The following UGGT1 variants were observed in gnomAD, a reference collection of about 807,000 sequenced individuals.
UGGT1 encodes UDP-glucose glycoprotein glucosyltransferase 1, also known as UDP-glucose:glycoprotein glucosyltransferase 1.
In UGGT1, 107 loss-of-function variants were observed where a neutral mutation model predicts 203.9. That is an observed-to-expected ratio of 0.52 (90% confidence interval 0.45 to 0.62). The LOEUF (loss-of-function observed/expected upper bound fraction) is 0.62. Ranked by LOEUF, UGGT1 falls within the 20% of genes least tolerant of loss-of-function variation. The probability of loss-of-function intolerance (pLI) is 0.00; values close to 1 mark genes in which losing one functional copy is unlikely to be tolerated. For synonymous variants in UGGT1, 628 were observed against 653.5 expected (o/e 0.96, Z 0.59); for missense variants, 1,673 against 1,867.2 (o/e 0.90, Z 1.92).
At chr2:128,183,311 C>T (rs1309297353) in intron 37 of UGGT1, among the ~76,000 whole-genome samples, 1 of 152,194 alleles carries the variant, frequency 6.6e-6, no homozygotes, top group African/African-American at 2.4e-5. Context: ...AGGACTGTAA[C>T]ACTCTGGGGT....
intron 18 of UGGT1, among the ~76,000 whole-genome samples, chr2:128,148,885 A>C (rs972028363): frequency 1.3e-5 from 2 of 152,172 alleles, no homozygotes; most frequent in South Asian, 2.1e-4. Context: ...GGCTGTTGGC[A>C]CTGAGTGAGG....
At chr2:128,186,508 G>T (rs1691988836) in intron 38 of UGGT1, among the ~76,000 whole-genome samples, 175 bp from the exon 39 acceptor site, 2 of 152,188 alleles carry the variant, frequency 1.3e-5, no homozygotes, top group Non-Finnish European at 1.5e-5. Flanking sequence ...TCAGGAGGCT[G>T]AGGCAGGAGA....
chr2:128,131,748 C>G (rs1340593611), intron 13 of UGGT1, among the ~76,000 whole-genome samples: 1 of 152,140 alleles, frequency 6.6e-6, no homozygotes, highest in African/African-American at 2.4e-5. Flanking sequence ...CTGCCTCAGC[C>G]TCCCGAGTAG....
intron 28 of UGGT1, among the ~76,000 whole-genome samples, chr2:128,172,067 G>A (rs777583786): frequency 6.6e-6 from 1 of 152,112 alleles, no homozygotes; most frequent in Admixed American, 6.5e-5. Context: ...CATTATTCTC[G>A]TATAGGGGAA....
rs557524326 is a variant in UGGT1, at chr2:128,120,333, A to T, written c.873-23A>T. ...CGGGAAAGAAAAAATAATGAAAAGGACTGATTTTTATGTTTCTTTTAGAGA... is the reference window on the plus strand; with the variant it reads ...CGGGAAAGAAAAAATAATGAAAAGGTCTGATTTTTATGTTTCTTTTAGAGA... On this transcript the variant is annotated intron_variant, in intron 8 of 40. Transcript: ENST00000259253. The T allele has an allele frequency of 3.3e-5, 53 of 1,595,592 alleles. No individual in the cohort carries two copies. The South Asian group carries it at 5.6e-4, about 17-fold the overall frequency.
At chr2:128,187,410 T>A in intron 39 of UGGT1, 39 bp from the exon 40 acceptor site, 1 of 1,592,946 alleles carries the variant, frequency 6.3e-7, no homozygotes, top group Non-Finnish European at 8.6e-7. Flanking sequence ...ATGTGGCCTT[T>A]CTTCAACTCA....
chr2:128,128,315 C>CTT (rs11453340), intron 12 of UGGT1, among the ~76,000 whole-genome samples: 19,786 of 141,056 alleles, frequency 0.14, 1,849 homozygotes, highest in Non-Finnish European at 0.2. Context: ...TCCTTTCTAT[C>CTT]TTTTTTTTTT....
At chr2:128,112,763 T>C (rs1687929495) in intron 5 of UGGT1, among the ~76,000 whole-genome samples, 1 of 151,532 alleles carries the variant, frequency 6.6e-6, no homozygotes. Flanking sequence ...TCGTTATTTA[T>C]TGTAGAGTCG....
chr2:128,096,924 C>T (rs1434158907), intron 1 of UGGT1, among the ~76,000 whole-genome samples: 1 of 152,188 alleles, frequency 6.6e-6, no homozygotes, highest in African/African-American at 2.4e-5. Flanking sequence ...TAAGTGCCTT[C>T]AGTTACATAT....
intron 36 of UGGT1, among the ~76,000 whole-genome samples, chr2:128,181,331 A>G (rs148714277): frequency 2.0e-5 from 3 of 152,346 alleles, no homozygotes; most frequent in African/African-American, 4.8e-5. Flanking sequence ...TTCATTTAAC[A>G]TGAAAACTAA....
chr2:128,170,072 C>G (rs1428272857), intron 26 of UGGT1, among the ~76,000 whole-genome samples: 1 of 152,194 alleles, frequency 6.6e-6, no homozygotes, highest in East Asian at 1.9e-4. Flanking sequence ...TGCTTTTCCT[C>G]TCTTTACATG....
At chr2:128,178,025 T>C in intron 33 of UGGT1, 105 bp downstream of exon 33, 2 of 967,740 alleles carry the variant, frequency 2.1e-6, no homozygotes, top group Non-Finnish European at 3.1e-6. Flanking sequence ...CCTTTCACAT[T>C]CTACTTTGTG....
chr2:128,139,247 TTTTA>T (rs1202342042), intron 16 of UGGT1, among the ~76,000 whole-genome samples: 1 of 152,240 alleles, frequency 6.6e-6, no homozygotes, highest in Admixed American at 6.5e-5. Flanking sequence ...TACCTTAAAA[TTTTA>T]TTTATTTATG....
At chr2:128,093,581 C>T (rs1274047090) in intron 1 of UGGT1, among the ~76,000 whole-genome samples, 2 of 152,206 alleles carry the variant, frequency 1.3e-5, no homozygotes, top group East Asian at 3.9e-4. Context: ...AGCCACCTGT[C>T]TCCCAAGAAC....
Position 128,121,237 on chromosome 2 carries a change from C to G in UGGT1, c.1012C>G (p.Pro338Ala), listed in dbSNP as rs146936997. The G allele has an allele frequency of 9.5e-5, 154 of 1,613,576 alleles. 1 individual carries two copies. The Admixed American group carries it at 2.3e-3, about 24-fold the overall frequency. ...FQTAARILASPVELALVVMKD... is the reference protein window; with the variant it reads ...FQTAARILASAVELALVVMKD... ...GACTGCTGCTCGAATCTTGGCTTCT[C>G]CTGTTGAGTTGGCTTTGGTTGTCAT... The change falls in exon 10 of 41, where the codon CCT (proline) becomes GCT (alanine). Residue 338 changes from proline to alanine, a missense_variant. Pro to Ala is a conservative substitution (Grantham distance 27, BLOSUM62 -1). Around this residue, in one of 4 missense-constraint regions of UGGT1, gnomAD observed 1,073 missense variants for 1,078.7 expected, o/e 0.99. Coordinates refer to ENST00000259253, the MANE Select transcript of UGGT1 (RefSeq NM_020120.4).
At position 128,152,816 on chromosome 2, in the gene UGGT1, G is replaced by A. The variant is rs1028398346; in HGVS notation, c.2049G>A (p.Glu683=). Residue 683 remains glutamate, a synonymous_variant, in exon 19 of 41, where the codon GAG becomes GAA. Transcript: ENST00000259253. ...GELPHDQDVV[E]YIMNQPNVVP... The stretch of plus-strand genomic sequence containing the variant: ...TGCCCCATGATCAAGATGTGGTAGA[G>A]TATATCATGAATCAGCCAAATGTTG... 5.6e-6 allele frequency: 9 copies of A among 1,613,544 alleles called. No homozygotes were observed. Among genetic ancestry groups the A allele is most frequent in the African/African-American group, 4.0e-5 (3 of 74,864 alleles).
At chr2:128,095,215 T>C (rs1443187572) in intron 1 of UGGT1, among the ~76,000 whole-genome samples, 1 of 152,214 alleles carries the variant, frequency 6.6e-6, no homozygotes, top group African/African-American at 2.4e-5. Context: ...CTAGTTTGGT[T>C]ATCTCTAATT....
chr2:128,098,793 G>A (rs1209218400), intron 2 of UGGT1, among the ~76,000 whole-genome samples: 2 of 151,540 alleles, frequency 1.3e-5, no homozygotes, highest in Admixed American at 6.6e-5. Flanking sequence ...GATTAAAATG[G>A]GTAGAATTTT....
chr2:128,168,016 G>A (rs531104759), intron 26 of UGGT1, among the ~76,000 whole-genome samples: 2 of 152,290 alleles, frequency 1.3e-5, no homozygotes, highest in South Asian at 2.1e-4. Flanking sequence ...TCCCTTGTGA[G>A]CCTTTGTATA....
Sources: allele counts gnomAD v4.1 joint callset (sites outside exome capture counted in the v4.1 genomes callset), GRCh38; gene constraint gnomAD v4.1.1; regional missense constraint gnomAD v4.1.1; transcripts MANE v1.5; gene names NCBI Gene and HGNC (gene_info 2026-07-23, HGNC 2026-07-21).